The following NEK11 variants were observed in gnomAD, a reference collection of about 807,000 sequenced individuals.
NEK11 encodes the protein NIMA related kinase 11, also known as serine/threonine-protein kinase Nek11.
Under a neutral mutation model 80.7 loss-of-function variants are expected in NEK11, and 72 were observed. The ratio of observed to expected loss-of-function variants is 0.89; its 90% confidence interval spans 0.74 to 1.08. The LOEUF (loss-of-function observed/expected upper bound fraction) is 1.08. Ranked by LOEUF, NEK11 falls within the 50% of genes least tolerant of loss-of-function variation. The pLI, the probability that NEK11 is intolerant of heterozygous loss-of-function variation, is 0.00. For missense variants in NEK11, 764 were observed against 763.6 expected, an observed-to-expected ratio of 1.00 and a Z score of -0.01; for synonymous variants, 251 against 260.7, an observed-to-expected ratio of 0.96 and a Z score of 0.36.
intron 4 of NEK11, among the ~76,000 whole-genome samples, chr3:131,101,631 T>G (rs2149269577): frequency 6.6e-6 from 1 of 152,340 alleles, no homozygotes; most frequent in East Asian, 1.9e-4. Context: ...TTATTGAGAC[T>G]TGCTTTATGA....
intron 14 of NEK11, among the ~76,000 whole-genome samples, chr3:131,178,778 T>C (rs2093184529): frequency 6.6e-6 from 1 of 152,230 alleles, no homozygotes; most frequent in African/African-American, 2.4e-5. Flanking sequence ...TACATGCTTG[T>C]ATGCCCTATA....
intron 7 of NEK11, 34 bp downstream of exon 7, chr3:131,133,990 C>T (rs2085050142): frequency 6.5e-7 from 1 of 1,545,014 alleles, no homozygotes; most frequent in Non-Finnish European, 8.7e-7. Context: ...TCTTCATCTG[C>T]TTCCCTAAAA....
At chr3:131,233,116 G>A (rs533082626) in intron 15 of NEK11, among the ~76,000 whole-genome samples, 6 of 152,122 alleles carry the variant, frequency 3.9e-5, no homozygotes, top group South Asian at 2.1e-4. Context: ...GGAAGGTAGG[G>A]AAGGAGGGAG....
chr3:131,296,572 G>A (rs891857256), intron 17 of NEK11, among the ~76,000 whole-genome samples: 1 of 152,028 alleles, frequency 6.6e-6, no homozygotes, highest in Non-Finnish European at 1.5e-5. Flanking sequence ...AATTTCTCAA[G>A]GAACAAAATT....
intron 16 of NEK11, among the ~76,000 whole-genome samples, chr3:131,249,010 T>TA (rs1429000660): frequency 1.3e-5 from 2 of 148,774 alleles, no homozygotes; most frequent in Non-Finnish European, 3.0e-5. Context: ...AGGCTGGGTG[T>TA]TTTTTTTTTC....
Position 131,273,756 on chromosome 3 carries a change from C to T in NEK11, c.1718+182C>T, listed in dbSNP as rs771789642. Among the ~76,000 whole-genome samples, 83 of 152,118 alleles carry T rather than the reference C, an allele frequency of 5.5e-4. 1 individual carries two copies. The highest frequency in any genetic ancestry group is 7.6e-4 in the Non-Finnish European group (52 of 67,998). ...ATTCACTTTCTGTATTGGTGCTGGT[C>T]GAATAATTAGGGAAGTTTGGCAAGA... On this transcript the variant is annotated intron_variant, in intron 17 of 17. Transcript: ENST00000383366.
At chr3:131,066,896 T>G (rs2148875015) in intron 3 of NEK11, among the ~76,000 whole-genome samples, 1 of 151,994 alleles carries the variant, frequency 6.6e-6, no homozygotes, top group South Asian at 2.1e-4. Context: ...GATCTCAGTT[T>G]CATTATTATT....
chr3:131,141,731 A>T (rs560069685), intron 7 of NEK11, among the ~76,000 whole-genome samples: 1 of 152,168 alleles, frequency 6.6e-6, no homozygotes, highest in African/African-American at 2.4e-5. Context: ...GAGAAATGGT[A>T]TGAAAGGACA....
intron 17 of NEK11, chr3:131,329,687 G>A (rs1490610534): frequency 6.6e-6 from 1 of 152,148 alleles, no homozygotes; most frequent in Non-Finnish European, 1.5e-5. Flanking sequence ...ATGACATGAG[G>A]GAAAAGATTT....
intron 14 of NEK11, among the ~76,000 whole-genome samples, chr3:131,219,653 A>T (rs1158561337): frequency 6.6e-6 from 1 of 152,114 alleles, no homozygotes; most frequent in African/African-American, 2.4e-5. Flanking sequence ...GAGGGAAGCC[A>T]AGGAGAAAGG....
intron 5 of NEK11, among the ~76,000 whole-genome samples, chr3:131,115,957 T>TATTATA (rs1491300417): frequency 2.1e-5 from 3 of 143,122 alleles, no homozygotes; most frequent in Admixed American, 7.1e-5. Flanking sequence ...TTTCTTTCTT[T>TATTATA]CTTTCTTTCT....
At chr3:131,085,171 C>G (rs2075807290) in intron 4 of NEK11, among the ~76,000 whole-genome samples, 1 of 152,210 alleles carries the variant, frequency 6.6e-6, no homozygotes, top group Admixed American at 6.5e-5. Flanking sequence ...ATATATGTCT[C>G]CTCTAATAGG....
rs187207881 is a variant in NEK11, at chr3:131,147,526, C to T, written c.648-4862C>T. ...AATCTTGATATTTGGTCATACAAAA[C>T]TTCCAAATTAGTTCTTGTTTAATTG... On this transcript the variant is annotated intron_variant, in intron 7 of 17. Coordinates refer to ENST00000383366, the MANE Select transcript of NEK11 (RefSeq NM_024800.5). Among the ~76,000 whole-genome samples the T allele has an allele frequency of 3.9e-5, 6 of 152,084 alleles. No homozygotes were observed. In the East Asian group the frequency reaches 1.2e-3, roughly 29 times the overall value.
chr3:131,082,242 G>GC (rs1201798935), intron 4 of NEK11, among the ~76,000 whole-genome samples: 2 of 152,100 alleles, frequency 1.3e-5, no homozygotes, highest in Non-Finnish European at 2.9e-5. Context: ...ACAGATACTT[G>GC]CATATGCATA....
intron 3 of NEK11, among the ~76,000 whole-genome samples, chr3:131,055,906 A>G (rs1332891244): frequency 2.6e-5 from 4 of 152,162 alleles, no homozygotes; most frequent in African/African-American, 9.7e-5. Context: ...TTGGAGCAAA[A>G]TTTACCACTA....
intron 17 of NEK11, among the ~76,000 whole-genome samples, chr3:131,323,297 C>T (rs2096916638): frequency 6.6e-6 from 1 of 152,228 alleles, no homozygotes; most frequent in South Asian, 2.1e-4. Context: ...GGTGCTAAAG[C>T]ACAGCTCAGT....
At chr3:131,337,751 C>A (rs901734263) in intron 17 of NEK11, among the ~76,000 whole-genome samples, 3 of 152,030 alleles carry the variant, frequency 2.0e-5, no homozygotes, top group African/African-American at 7.2e-5. Context: ...GACTAGACTG[C>A]ACAGCTAGCT....
intron 3 of NEK11, among the ~76,000 whole-genome samples, chr3:131,076,486 A>T (rs899961191): frequency 3.3e-5 from 5 of 152,228 alleles, no homozygotes; most frequent in Admixed American, 2.0e-4. Context: ...AGATAAAAAT[A>T]ATTCCTGCCT....
At chr3:131,228,444 A>G (rs1276718001) in intron 14 of NEK11, 84 bp from the exon 15 acceptor site, 1 of 1,237,606 alleles carries the variant, frequency 8.1e-7, no homozygotes, top group Non-Finnish European at 1.1e-6. Flanking sequence ...AGCAAAATAT[A>G]CATCCCTGTG....
Sources: gnomAD v4.1 joint callset for allele counts (sites outside exome capture counted in the v4.1 genomes callset) on GRCh38, gnomAD v4.1.1 for gene constraint, MANE v1.5 for transcripts, NCBI Gene and HGNC (gene_info 2026-07-23, HGNC 2026-07-21) for gene names.